SUGCT: variants seen among roughly 807,000 people sequenced by gnomAD.
SUGCT encodes the protein succinyl-CoA:glutarate CoA-transferase.
SUGCT carries 41 observed loss-of-function variants against 55.0 expected under a neutral mutation model. The observed-to-expected ratio is 0.74, with a 90% CI of 0.58 to 0.97. SUGCT has a LOEUF of 0.97. Among genes scored for constraint, SUGCT ranks in the 50% least tolerant of loss-of-function variants. SUGCT has a pLI of 0.00. For synonymous variants in SUGCT, 187 were observed against 200.4 expected (o/e 0.93, Z 0.56); for missense variants, 568 against 547.8 (o/e 1.04, Z -0.37).
intron 8 of SUGCT, among the ~76,000 whole-genome samples, chr7:40,313,400 T>A (rs1177849710): frequency 6.6e-6 from 1 of 152,184 alleles, no homozygotes; most frequent in Non-Finnish European, 1.5e-5. Context: ...AAACCTCTGA[T>A]TTTTTTCATA....
At chr7:40,169,125 C>T (rs1784554660) in intron 1 of SUGCT, among the ~76,000 whole-genome samples, 1 of 152,150 alleles carries the variant, frequency 6.6e-6, no homozygotes, top group Non-Finnish European at 1.5e-5. Flanking sequence ...CACTTAGAGT[C>T]TGTATATATA....
intron 2 of SUGCT, 69 bp downstream of exon 2, chr7:40,181,067 G>T: frequency 8.7e-7 from 1 of 1,144,000 alleles, no homozygotes; most frequent in Non-Finnish European, 1.3e-6. Flanking sequence ...TTAATTTTTT[G>T]AATTATAAGA....
intron 9 of SUGCT, among the ~76,000 whole-genome samples, chr7:40,347,542 A>G (rs1196458945): frequency 6.6e-6 from 1 of 152,214 alleles, no homozygotes; most frequent in African/African-American, 2.4e-5. Context: ...GATGAATTGA[A>G]GAAAAATTGT....
the SUGCT span, among the ~76,000 whole-genome samples, chr7:40,900,290 A>G: frequency 5.3e-4 from 80 of 152,322 alleles, no homozygotes; most frequent in East Asian, 0.014. Flanking sequence ...CTCCTCCTGC[A>G]TGACCAAGAT....
At chr7:40,952,370 T>C in the SUGCT span, among the ~76,000 whole-genome samples, 1 of 152,132 alleles carries the variant, frequency 6.6e-6, no homozygotes, top group Non-Finnish European at 1.5e-5. Context: ...ATGGGTTTCC[T>C]GAATACAGCA....
Position 40,274,530 on chromosome 7 carries a change from C to G in SUGCT, c.594C>G (p.Arg198=). 1 of 1,613,260 alleles carries G rather than the reference C, an allele frequency of 6.2e-7. No homozygotes were observed. The highest frequency in any genetic ancestry group is 2.2e-5 in the East Asian group (1 of 44,846). ...CAAATCAGAATGGAGATCCAGTTCG[C>G]CCAGGAGTAGCTATGACTGATCTTG... ...ITGPENGDPV[R]PGVAMTDLAT... The change falls in exon 8 of 14, where the codon CGC becomes CGG. Residue 198 remains arginine (R), a synonymous_variant. Transcript: ENST00000335693.
At chr7:40,948,766 A>G in the SUGCT span, among the ~76,000 whole-genome samples, 3 of 152,038 alleles carry the variant, frequency 2.0e-5, no homozygotes, top group African/African-American at 7.2e-5. Context: ...CATTCTTGTC[A>G]CTGAAAAGGA....
the SUGCT span, among the ~76,000 whole-genome samples, chr7:40,912,595 T>TA: frequency 2.0e-5 from 3 of 152,300 alleles, no homozygotes; most frequent in East Asian, 1.9e-4. Flanking sequence ...CATTAACTTA[T>TA]CCTGTGTATT....
At chr7:40,806,994 A>G (rs931178403) in intron 13 of SUGCT, among the ~76,000 whole-genome samples, 1 of 152,128 alleles carries the variant, frequency 6.6e-6, no homozygotes, top group African/African-American at 2.4e-5. Flanking sequence ...TTCACTACCC[A>G]CCTTCTAAAG....
At chr7:40,652,318 T>C (rs560553683) in intron 12 of SUGCT, among the ~76,000 whole-genome samples, 1 of 152,342 alleles carries the variant, frequency 6.6e-6, no homozygotes, top group Non-Finnish European at 1.5e-5. Flanking sequence ...GCATAAATTA[T>C]AGTGCACCTC....
chr7:40,660,332 C>T (rs530908962), intron 12 of SUGCT, among the ~76,000 whole-genome samples: 37 of 152,212 alleles, frequency 2.4e-4, no homozygotes, highest in African/African-American at 8.2e-4. Flanking sequence ...GATCTCGGCT[C>T]GCTGCAACCT....
intron 9 of SUGCT, among the ~76,000 whole-genome samples, chr7:40,429,424 C>T (rs1787776292): frequency 6.6e-6 from 1 of 152,112 alleles, no homozygotes; most frequent in African/African-American, 2.4e-5. Context: ...TGAAGTCCCA[C>T]TATAGGCTGT....
At chr7:40,521,731 T>G (rs1255603306) in intron 12 of SUGCT, among the ~76,000 whole-genome samples, 1 of 152,124 alleles carries the variant, frequency 6.6e-6, no homozygotes, top group African/African-American at 2.4e-5. Context: ...AGACAGTGTC[T>G]GAAATTGGGG....
chr7:40,636,914 C>G (rs1292130996), intron 12 of SUGCT, among the ~76,000 whole-genome samples: 1 of 152,112 alleles, frequency 6.6e-6, no homozygotes, highest in Non-Finnish European at 1.5e-5. Flanking sequence ...TATCCCTAAC[C>G]CCTCCTTTCC....
chr7:40,836,655 AT>A (rs1259189477), intron 13 of SUGCT, among the ~76,000 whole-genome samples: 1 of 152,040 alleles, frequency 6.6e-6, no homozygotes, highest in Non-Finnish European at 1.5e-5. Context: ...ATTGTTCTTC[AT>A]CTCTATAATT....
chr7:40,879,980 C>T, the SUGCT span, among the ~76,000 whole-genome samples: 1 of 152,204 alleles, frequency 6.6e-6, no homozygotes, highest in Non-Finnish European at 1.5e-5. Flanking sequence ...ACCAATGGGA[C>T]AGGAACATAC....
chr7:40,849,737 G>A (rs1025339393), intron 13 of SUGCT, among the ~76,000 whole-genome samples: 9 of 151,938 alleles, frequency 5.9e-5, no homozygotes, highest in African/African-American at 1.9e-4. Flanking sequence ...GTGTTACGGA[G>A]GGATCTCAAA....
At chr7:40,857,824 G>T (rs1257224175) in intron 13 of SUGCT, among the ~76,000 whole-genome samples, 2 of 152,142 alleles carry the variant, frequency 1.3e-5, no homozygotes, top group African/African-American at 4.8e-5. Context: ...ATTAATGGTT[G>T]CCTGGATTTG....
chr7:41,001,382 A>G, the SUGCT span, among the ~76,000 whole-genome samples: 2 of 152,156 alleles, frequency 1.3e-5, no homozygotes, highest in Non-Finnish European at 2.9e-5. Flanking sequence ...CTTGGTGACT[A>G]GAGATATAGG....
Sources: gnomAD v4.1 joint callset for allele counts (sites outside exome capture counted in the v4.1 genomes callset) on GRCh38, gnomAD v4.1.1 for gene constraint, MANE v1.5 for transcripts, NCBI Gene and HGNC (gene_info 2026-07-23, HGNC 2026-07-21) for gene names.